XRCC4: variants seen among roughly 807,000 people sequenced by gnomAD.
The protein encoded by XRCC4 is X-ray repair cross complementing 4, also known as DNA repair protein XRCC4.
A neutral mutation model predicts 39.1 loss-of-function variants in XRCC4; 28 were observed. The observed-to-expected ratio is 0.72, with a 90% CI of 0.53 to 0.98. The LOEUF (loss-of-function observed/expected upper bound fraction) is 0.98, where lower values mean the gene tolerates loss of function less well. Ranked by LOEUF, XRCC4 falls within the 50% of genes least tolerant of loss-of-function variation. XRCC4 has a pLI of 0.00. For synonymous variants in XRCC4, 123 were observed against 126.4 expected (o/e 0.97, Z 0.18); for missense variants, 350 against 376.4 (o/e 0.93, Z 0.58).
At position 83,258,590 on chromosome 5, in the gene XRCC4, G is replaced by A; in HGVS notation, c.806G>A (p.Ser269Asn). 1.2e-6 allele frequency: 2 copies of A among 1,610,646 alleles called. No individual in the cohort carries two copies. Among genetic ancestry groups the A allele is most frequent in the South Asian group, 1.1e-5 (1 of 90,186 alleles). The change falls in exon 7 of 8, where the codon AGT becomes AAT. Residue 269 changes from serine (S) to asparagine (N), a missense_variant. By Grantham distance (46) the Ser-to-Asn change is conservative. Coordinates refer to ENST00000396027, the MANE Select transcript of XRCC4 (RefSeq NM_003401.5). Reference sequence around the variant, plus strand: ...CTTGATGTCACTGATATTGCACCAAGTAGAAAAAGGAGACAGCGAATGCAA... The same window carrying A: ...CTTGATGTCACTGATATTGCACCAAATAGAAAAAGGAGACAGCGAATGCAA... ...SSLDVTDIAPSRKRRQRMQRN... is the reference protein window; with the variant it reads ...SSLDVTDIAPNRKRRQRMQRN...
At chr5:83,165,578 T>C (rs761840258) in intron 3 of XRCC4, among the ~76,000 whole-genome samples, 4 of 152,144 alleles carry the variant, frequency 2.6e-5, no homozygotes, top group Non-Finnish European at 5.9e-5. Context: ...TCACCACCCA[T>C]GTATTAAGCC....
chr5:83,282,537 A>T (rs566374878), intron 7 of XRCC4, among the ~76,000 whole-genome samples: 116 of 152,062 alleles, frequency 7.6e-4, no homozygotes, highest in African/African-American at 2.6e-3. Flanking sequence ...AAAAAAAAAA[A>T]TCCGATCATA....
intron 7 of XRCC4, among the ~76,000 whole-genome samples, chr5:83,303,231 AAAG>A (rs1487462174): frequency 2.6e-5 from 4 of 151,568 alleles, no homozygotes; most frequent in Admixed American, 2.6e-4. Context: ...AAAAAAAAAA[AAAG>A]ATGTCAAACT....
intron 7 of XRCC4, among the ~76,000 whole-genome samples, chr5:83,334,599 A>G (rs1246886051): frequency 6.6e-6 from 1 of 151,984 alleles, no homozygotes; most frequent in Non-Finnish European, 1.5e-5. Context: ...AAGGGAAAAA[A>G]TGGTATAAAC....
chr5:83,202,877 G>A (rs1442123092), intron 4 of XRCC4, among the ~76,000 whole-genome samples: 1 of 152,072 alleles, frequency 6.6e-6, no homozygotes, highest in East Asian at 1.9e-4. Context: ...TGAGCAGTAT[G>A]GGATGAATTA....
chr5:83,178,960 C>T (rs963889492), intron 3 of XRCC4, among the ~76,000 whole-genome samples: 2 of 152,142 alleles, frequency 1.3e-5, no homozygotes, highest in African/African-American at 2.4e-5. Flanking sequence ...TTCTCTATTC[C>T]TTATTCCCCT....
At chr5:83,153,591 G>A (rs537381072) in intron 3 of XRCC4, among the ~76,000 whole-genome samples, 7 of 152,260 alleles carry the variant, frequency 4.6e-5, no homozygotes, top group African/African-American at 1.4e-4. Context: ...CCATCAGTGC[G>A]CACCTTCCTA....
In XRCC4 at chr5:83,206,309, C is replaced by T. The variant is rs28360158; in HGVS notation, c.745+1388C>T. Reference sequence around the variant, plus strand: ...GGCTTAGACCAGAGTGATGGAGAGGCGATGAGCAAGGAGCAGATTCTAGGT... The same window carrying T: ...GGCTTAGACCAGAGTGATGGAGAGGTGATGAGCAAGGAGCAGATTCTAGGT... On this transcript the variant is annotated intron_variant, in intron 6 of 7. Transcript: ENST00000396027. Among the ~76,000 whole-genome samples the T allele has an allele frequency of 5.9e-5, 9 of 151,982 alleles. No homozygotes were observed. In the East Asian group the frequency reaches 1.2e-3, roughly 20 times the overall value.
At chr5:83,113,478 A>G (rs1746546824) in intron 3 of XRCC4, among the ~76,000 whole-genome samples, 2 of 152,104 alleles carry the variant, frequency 1.3e-5, no homozygotes, top group African/African-American at 2.4e-5. Flanking sequence ...CCCTAATCTT[A>G]TAGCTTCACT....
Position 83,353,449 on chromosome 5 carries a change from A to G in XRCC4, c.*207A>G, listed in dbSNP as rs944729464. 2.5e-6 allele frequency: 1 copy of G among 395,108 alleles called. No homozygotes were observed. Among genetic ancestry groups the G allele is most frequent in the African/African-American group, 2.1e-5 (1 of 47,844 alleles). The allele number at this position is 395,108 out of a possible 1,614,324, so 24.5% of individuals were successfully genotyped here. A position where few individuals can be genotyped will look rare whatever the true frequency, so the allele number is the denominator to read the frequency against. Reference sequence around the variant, plus strand: ...TGATGACACTGGCACATTATTCTAAACTATTCATTCAGCATGCCTATAATT... The same window carrying G: ...TGATGACACTGGCACATTATTCTAAGCTATTCATTCAGCATGCCTATAATT... On this transcript the variant is annotated 3_prime_UTR_variant, in exon 8 of 8. Coordinates refer to ENST00000396027, the MANE Select transcript of XRCC4 (RefSeq NM_003401.5).
intron 3 of XRCC4, among the ~76,000 whole-genome samples, chr5:83,186,207 A>AG (rs1302931056): frequency 6.6e-6 from 1 of 152,302 alleles, no homozygotes; most frequent in East Asian, 1.9e-4. Context: ...ATTATATCCT[A>AG]GTTAAAGAAG....
chr5:83,103,009 G>GATAGATATATATATAT (rs1554054064), intron 1 of XRCC4, among the ~76,000 whole-genome samples: 1 of 106,464 alleles, frequency 9.4e-6, no homozygotes, highest in Non-Finnish European at 1.9e-5. Flanking sequence ...AGATAGAGCT[G>GATAGATATATATATAT]ATATATATAT....
intron 1 of XRCC4, among the ~76,000 whole-genome samples, chr5:83,093,334 A>G (rs1399338153): frequency 6.6e-6 from 1 of 152,234 alleles, no homozygotes; most frequent in Non-Finnish European, 1.5e-5. Flanking sequence ...TAAAGGGTGT[A>G]CAGAGATAGA....
At chr5:83,286,921 C>T (rs1212138135) in intron 7 of XRCC4, among the ~76,000 whole-genome samples, 4 of 151,950 alleles carry the variant, frequency 2.6e-5, no homozygotes, top group Admixed American at 6.6e-5. Flanking sequence ...ACAATGTGAA[C>T]GAGGTAGAGT....
intron 7 of XRCC4, among the ~76,000 whole-genome samples, chr5:83,290,888 A>C (rs1228130528): frequency 6.6e-6 from 1 of 151,830 alleles, no homozygotes; most frequent in East Asian, 1.9e-4. Flanking sequence ...CCTTTATTGC[A>C]GGGGAAATGT....
intron 3 of XRCC4, among the ~76,000 whole-genome samples, chr5:83,169,272 C>A (rs1749621295): frequency 6.6e-6 from 1 of 151,746 alleles, no homozygotes; most frequent in Non-Finnish European, 1.5e-5. Context: ...ATTATAGATT[C>A]TTTTATTTCT....
At chr5:83,077,641 C>T (rs1744721553) in intron 1 of XRCC4, 26 bp downstream of exon 1, 1 of 348,440 alleles carries the variant, frequency 2.9e-6, no homozygotes, top group African/African-American at 2.1e-5. Flanking sequence ...GGGGCTGCCT[C>T]TTTAAATAAC....
intron 7 of XRCC4, among the ~76,000 whole-genome samples, chr5:83,262,994 C>G (rs1319969563): frequency 6.0e-4 from 76 of 126,346 alleles, no homozygotes; most frequent in Non-Finnish European, 1.1e-3. Context: ...CCCTCCCCCC[C>G]TCCCCCCACC....
intron 7 of XRCC4, among the ~76,000 whole-genome samples, chr5:83,302,919 C>T (rs1755340742): frequency 6.6e-6 from 1 of 152,014 alleles, no homozygotes; most frequent in Non-Finnish European, 1.5e-5. Flanking sequence ...ATAAATAGTA[C>T]AAAAGATGTC....
Sources: allele counts gnomAD v4.1 joint callset (sites outside exome capture counted in the v4.1 genomes callset), GRCh38; gene constraint gnomAD v4.1.1; transcripts MANE v1.5; gene names NCBI Gene and HGNC (gene_info 2026-07-23, HGNC 2026-07-21).